Variants in PCDHA9 observed in about 807,000 individuals in gnomAD.
The protein encoded by PCDHA9 is protocadherin alpha-9.
A neutral mutation model predicts 62.0 loss-of-function variants in PCDHA9; 62 were observed. The observed-to-expected ratio is 1.00, with a 90% CI of 0.81 to 1.23. The LOEUF (loss-of-function observed/expected upper bound fraction) is 1.23. Among genes scored for constraint, PCDHA9 ranks in the 50% most tolerant of loss-of-function variants. The probability of loss-of-function intolerance (pLI) is 0.00; values close to 1 mark genes in which losing one functional copy is unlikely to be tolerated. For synonymous variants in PCDHA9, 557 were observed against 567.6 expected (o/e 0.98, Z 0.27); for missense variants, 1,205 against 1,249.8 (o/e 0.96, Z 0.54).
chr5:140,943,450 T>C (rs2093496924), intron 1 of PCDHA9, among the ~76,000 whole-genome samples: 1 of 152,012 alleles, frequency 6.6e-6, no homozygotes, highest in Non-Finnish European at 1.5e-5. Context: ...ATAGAATTGA[T>C]AAGGCTAAAT....
chr5:141,009,580 G>A (rs1554262213), intron 3 of PCDHA9, 47 bp from the exon 4 acceptor site: 1 of 1,588,170 alleles, frequency 6.3e-7, no homozygotes, highest in South Asian at 1.2e-5. Flanking sequence ...GTGGCATCAA[G>A]AGCATGTGTT....
At chr5:140,862,980 C>T in intron 1 of PCDHA9, 1 of 545,508 alleles carries the variant, frequency 1.8e-6, no homozygotes, top group South Asian at 1.4e-5. Flanking sequence ...CACTTGGTGG[C>T]GAAGGTGCGC....
At chr5:140,862,563 C>G in intron 1 of PCDHA9, 1 of 476,978 alleles carries the variant, frequency 2.1e-6, no homozygotes, top group East Asian at 5.5e-5. Context: ...CAGTGAACCA[C>G]AATGCCCTGG....
intron 1 of PCDHA9, chr5:140,875,653 C>T (rs1554167829): frequency 1.2e-6 from 2 of 1,613,682 alleles, no homozygotes; most frequent in East Asian, 2.2e-5. Context: ...GGAGCTGGTG[C>T]CGCGCCTGTT....
chr5:140,877,604 T>G (rs376081263), intron 1 of PCDHA9: 2 of 1,613,768 alleles, frequency 1.2e-6, no homozygotes, highest in African/African-American at 1.3e-5. Context: ...TCCAGCCTGC[T>G]GGTGCTCACG....
intron 1 of PCDHA9, among the ~76,000 whole-genome samples, chr5:140,915,245 C>T (rs1366061257): frequency 2.0e-5 from 3 of 152,088 alleles, no homozygotes; most frequent in Non-Finnish European, 4.4e-5. Flanking sequence ...CCATGCCTGG[C>T]CAGGTTGTTA....
At chr5:140,931,791 T>A (rs1168945699) in intron 1 of PCDHA9, among the ~76,000 whole-genome samples, 1 of 152,016 alleles carries the variant, frequency 6.6e-6, no homozygotes, top group African/African-American at 2.4e-5. Context: ...CCTATTGATC[T>A]GATCTTAATT....
chr5:140,946,634 A>ATATAT (rs1554217761), intron 1 of PCDHA9, among the ~76,000 whole-genome samples: 3 of 147,374 alleles, frequency 2.0e-5, no homozygotes, highest in Admixed American at 6.8e-5. Context: ...ATATATATAC[A>ATATAT]ATGGAATACT....
At chr5:140,870,392 G>T in intron 1 of PCDHA9, 1 of 1,614,254 alleles carries the variant, frequency 6.2e-7, no homozygotes, top group Non-Finnish European at 8.5e-7. Context: ...CGGGATGGGG[G>T]TTCGCCTTCT....
intron 3 of PCDHA9, among the ~76,000 whole-genome samples, chr5:140,989,980 C>T (rs1172154204): frequency 6.6e-6 from 1 of 152,012 alleles, no homozygotes; most frequent in South Asian, 2.1e-4. Context: ...AGCAACAGCC[C>T]TGCCTGAAAT....
At chr5:140,928,282 C>G in intron 1 of PCDHA9, 1 of 1,614,166 alleles carries the variant, frequency 6.2e-7, no homozygotes, top group Non-Finnish European at 8.5e-7. Flanking sequence ...TGGGGCCTCT[C>G]TAGGCCGAGT....
At chr5:140,891,174 T>C (rs147745090) in intron 1 of PCDHA9, among the ~76,000 whole-genome samples, 2,208 of 152,320 alleles carry the variant, frequency 0.014, 24 homozygotes, top group Non-Finnish European at 0.022. Flanking sequence ...TTTTCAGATT[T>C]TCTGTGTGTC....
At chr5:140,871,246 C>T (rs782203109) in intron 1 of PCDHA9, 2 of 1,613,982 alleles carry the variant, frequency 1.2e-6, no homozygotes, top group Non-Finnish European at 1.7e-6. Context: ...ACTCACGCTG[C>T]TGCTGTATAC....
intron 1 of PCDHA9, chr5:140,877,486 A>G: frequency 3.7e-6 from 6 of 1,613,722 alleles, no homozygotes; most frequent in Non-Finnish European, 5.1e-6. Flanking sequence ...GCTGGTGGAG[A>G]ACGGCCAGGC....
chr5:140,922,164 A>G lies in PCDHA9; in HGVS notation c.2395-56785A>G, dbSNP rs1382732959. Among the ~76,000 whole-genome samples the G allele has an allele frequency of 2.1e-5, 3 of 145,926 alleles. No individual in the cohort carries two copies. The East Asian group carries it at 6.4e-4, about 31-fold the overall frequency. Reference sequence around the variant, plus strand: ...CATGAAACTCATCAAAAACAACAAAAAGTACAGCAGACAAAAAAAAAGTCT... The same window carrying G: ...CATGAAACTCATCAAAAACAACAAAGAGTACAGCAGACAAAAAAAAAGTCT... On this transcript the variant is annotated intron_variant, in intron 1 of 3. Transcript: ENST00000532602.
intron 1 of PCDHA9, chr5:140,864,727 A>T (rs1456631288): frequency 1.3e-5 from 2 of 152,180 alleles, no homozygotes; most frequent in African/African-American, 4.8e-5. Context: ...TTTTGGGAAG[A>T]TTTCTTTGAG....
chr5:140,926,209 T>A (rs553307318), intron 1 of PCDHA9, among the ~76,000 whole-genome samples: 1 of 152,028 alleles, frequency 6.6e-6, no homozygotes, highest in African/African-American at 2.4e-5. Context: ...GGGGGGCTCC[T>A]GTTTCCTTAA....
rs2150479083 is a variant in PCDHA9 at position 140,850,311 on chromosome 5, T to C, written c.1816T>C (p.Trp606Arg). Reference protein sequence around the residue: ...AVDADSGYNAWLSYELQPETA... With the variant: ...AVDADSGYNARLSYELQPETA... ...GGACGCCGACTCGGGCTACAACGCG[T>C]GGCTTTCATACGAGCTGCAGCCAGA... The change falls in exon 1 of 4, where the codon TGG becomes CGG. Residue 606 changes from tryptophan to arginine, a missense_variant. By Grantham distance (101) the Trp-to-Arg change is moderately radical. Coordinates refer to ENST00000532602, the MANE Select transcript of PCDHA9 (RefSeq NM_031857.2). 2 of 1,597,000 alleles carry C rather than the reference T, an allele frequency of 1.3e-6. No individual in the cohort carries two copies. Among genetic ancestry groups the C allele is most frequent in the African/African-American group, 1.3e-5 (1 of 74,336 alleles).
In PCDHA9 at chr5:140,850,395, A is replaced by G; in HGVS notation, c.1900A>G (p.Thr634Ala). Residue 634 changes from threonine to alanine, a missense_variant, in exon 1 of 4, where the codon ACG becomes GCG. Thr to Ala is a moderately conservative substitution (Grantham distance 58). Coordinates refer to ENST00000532602, the MANE Select transcript of PCDHA9 (RefSeq NM_031857.2). ...VGLYTGEIST[T>A]RALDETDAPR... ...GCTGTACACGGGCGAGATCAGCACA[A>G]CGCGTGCCCTGGACGAAACGGACGC... The G allele has an allele frequency of 1.9e-6, 3 of 1,597,894 alleles. No individual in the cohort carries two copies. Among genetic ancestry groups the G allele is most frequent in the Non-Finnish European group, 1.7e-6 (2 of 1,167,690 alleles).
Sources: gnomAD v4.1 joint callset for allele counts (sites outside exome capture counted in the v4.1 genomes callset) on GRCh38, gnomAD v4.1.1 for gene constraint, MANE v1.5 for transcripts, NCBI Gene and HGNC (gene_info 2026-07-23, HGNC 2026-07-21) for gene names.